Variants in SLC6A9 observed in about 807,000 individuals in gnomAD.
The protein encoded by SLC6A9 is sodium- and chloride-dependent glycine transporter 1.
A neutral mutation model predicts 70.9 loss-of-function variants in SLC6A9; 31 were observed. That is an observed-to-expected ratio of 0.44 (90% CI 0.33 to 0.59). The LOEUF is 0.59. Ranked by LOEUF, SLC6A9 falls within the 20% of genes least tolerant of loss-of-function variation. The pLI is 0.04. For missense variants in SLC6A9, 631 were observed against 845.2 expected (o/e 0.75, Z 3.14); for synonymous variants, 310 against 341.3 (o/e 0.91, Z 1.01).
At chr1:44,020,359 T>C (rs948107606) in intron 2 of SLC6A9, among the ~76,000 whole-genome samples, 2 of 152,074 alleles carry the variant, frequency 1.3e-5, no homozygotes, top group Non-Finnish European at 2.9e-5. Context: ...GGAGCCCCTG[T>C]GGTGTGCTAG....
At chr1:44,017,169 A>G (rs1157687960) in intron 2 of SLC6A9, 2 of 1,600,486 alleles carry the variant, frequency 1.2e-6, no homozygotes, top group East Asian at 2.3e-5. Context: ...ACACTGACGC[A>G]TCCCCTGCCT....
intron 5 of SLC6A9, among the ~76,000 whole-genome samples, chr1:44,004,287 C>T (rs537538026): frequency 5.9e-5 from 9 of 152,046 alleles, no homozygotes; most frequent in South Asian, 2.1e-4. Context: ...TGAGCCACCA[C>T]GCCTGGCCTG....
chr1:44,010,935 T>A, intron 2 of SLC6A9, 53 bp from the exon 3 acceptor site: 1 of 1,593,624 alleles, frequency 6.3e-7, no homozygotes, highest in Non-Finnish European at 8.6e-7. Context: ...GCTCCATGCC[T>A]GACCCTCTGG....
At chr1:44,011,711 G>C in intron 2 of SLC6A9, 1 of 1,613,968 alleles carries the variant, frequency 6.2e-7, no homozygotes, top group Non-Finnish European at 8.5e-7. Context: ...TCTGAACAGG[G>C]AGAAGCGTCA....
intron 1 of SLC6A9, among the ~76,000 whole-genome samples, chr1:44,029,092 G>C (rs574545631): frequency 1.3e-5 from 2 of 152,210 alleles, no homozygotes; most frequent in Non-Finnish European, 2.9e-5. Context: ...GGACAAGCTG[G>C]TCTGAGCTGC....
chr1:44,006,786 G>A (rs1223884094), intron 5 of SLC6A9, among the ~76,000 whole-genome samples: 1 of 152,172 alleles, frequency 6.6e-6, no homozygotes, highest in Non-Finnish European at 1.5e-5. Flanking sequence ...CTGGGTCCTT[G>A]AGAATAGTGG....
chr1:43,997,624 T>A lies in SLC6A9; in HGVS notation c.1823A>T (p.Gln608Leu). The A allele has an allele frequency of 6.2e-7, 1 of 1,613,984 alleles. No homozygotes were observed. The highest frequency in any genetic ancestry group is 8.5e-7 in the Non-Finnish European group (1 of 1,180,010). The change falls in exon 14 of 14, where the codon CAG becomes CTG. Residue 608 changes from glutamine to leucine, a missense_variant. By Grantham distance (113) the Gln-to-Leu change is moderately radical (BLOSUM62 -2). Transcript: ENST00000372310. This position sits in a 1 kb window ranked among gnomAD's most constrained non-coding sequence, Gnocchi z 4.4. Reference protein sequence around the residue: ...APSPEDGFEVQPLHPDKAQIP... With the variant: ...APSPEDGFEVLPLHPDKAQIP... ...CTGCGCCTTGTCCGGGTGCAGTGGC[T>A]GGACCTCGAAGCCGTCCTCAGGAGA... is the stretch of plus-strand genomic sequence containing the variant.
rs201783916 is a variant in SLC6A9 at position 44,000,861 on chromosome 1, C to T, written c.1442G>A (p.Arg481Gln). ...CATCTGGATGTCCTGGAAGTAGTTC[C>T]GGTGCCCTGGAGAGATGGGGGGTCA... is the stretch of plus-strand genomic sequence containing the variant. ...CVAIMYIYGH[R>Q]NYFQDIQMML... The change falls in exon 12 of 14, where the codon CGG becomes CAG. Residue 481 changes from arginine (R) to glutamine (Q), a missense_variant. Arg to Gln is a conservative substitution (Grantham distance 43). Coordinates refer to ENST00000372310, the MANE Select transcript of SLC6A9 (RefSeq NM_001024845.3). 2.6e-5 allele frequency: 42 copies of T among 1,607,510 alleles called. No homozygotes were observed. Among genetic ancestry groups the T allele is most frequent in the South Asian group, 2.0e-4 (18 of 89,994 alleles).
At chr1:44,006,607 A>AAAAG (rs1416267480) in intron 5 of SLC6A9, among the ~76,000 whole-genome samples, 1 of 151,740 alleles carries the variant, frequency 6.6e-6, no homozygotes, top group African/African-American at 2.4e-5. Context: ...AAAAAAAAAA[A>AAAAG]AAAGAAATCA....
At chr1:44,022,667 G>A (rs921863582) in intron 2 of SLC6A9, among the ~76,000 whole-genome samples, 7 of 151,274 alleles carry the variant, frequency 4.6e-5, no homozygotes, top group African/African-American at 9.7e-5. Context: ...CAGAACCACC[G>A]GTTCTCTCCC....
intron 5 of SLC6A9, among the ~76,000 whole-genome samples, chr1:44,007,002 CTG>C (rs897409492): frequency 6.6e-6 from 1 of 152,192 alleles, no homozygotes; most frequent in African/African-American, 2.4e-5. Context: ...ATGGGAGGCC[CTG>C]TGTTATATGA....
chr1:44,029,318 T>C (rs1485394671), intron 1 of SLC6A9, among the ~76,000 whole-genome samples: 1 of 152,160 alleles, frequency 6.6e-6, no homozygotes, highest in Non-Finnish European at 1.5e-5. Flanking sequence ...ATAATTTCCA[T>C]TCACTGTGTT....
intron 2 of SLC6A9, chr1:44,015,755 T>C (rs1212770531): frequency 3.2e-6 from 2 of 623,594 alleles, no homozygotes; most frequent in African/African-American, 2.0e-5. Context: ...TTCACCTACA[T>C]GGCACTGAGT....
chr1:44,001,073 G>T lies in SLC6A9; in HGVS notation c.1336-18C>A. ...ATGCCTGCCTGGGGAACAGCGGGCAGCTGTGGGAGGCGCCTGCAGCCCGGG... is the reference window on the plus strand; with the variant it reads ...ATGCCTGCCTGGGGAACAGCGGGCATCTGTGGGAGGCGCCTGCAGCCCGGG... On this transcript the variant is annotated intron_variant, in intron 10 of 13. Coordinates refer to ENST00000372310, the MANE Select transcript of SLC6A9 (RefSeq NM_001024845.3). 6.3e-7 allele frequency: 1 copy of T among 1,599,312 alleles called. No individual in the cohort carries two copies. Among genetic ancestry groups the T allele is most frequent in the Admixed American group, 1.7e-5 (1 of 59,076 alleles).
At chr1:44,017,408 CAG>C (rs1491096587) in intron 2 of SLC6A9, 1 of 958,290 alleles carries the variant, frequency 1.0e-6, no homozygotes, top group Non-Finnish European at 1.3e-6. Flanking sequence ...CACACACACA[CAG>C]ACTGGGGCAG....
Position 44,027,343 on chromosome 1 carries a change from G to A in SLC6A9, c.-85-2981C>T, listed in dbSNP as rs569560314. On this transcript the variant is annotated intron_variant, in intron 1 of 13. Coordinates refer to ENST00000372310, the MANE Select transcript of SLC6A9 (RefSeq NM_001024845.3). ...CCTTAGTTTTCTCAGTCTGGAAGAT[G>A]GGGCTAACAGTAGTTTCCTCGTAAG... is the stretch of plus-strand genomic sequence containing the variant. Among the ~76,000 whole-genome samples the A allele has an allele frequency of 2.6e-5, 4 of 152,300 alleles. No individual in the cohort carries two copies. The East Asian group carries it at 7.7e-4, about 29-fold the overall frequency.
In SLC6A9 at chr1:44,001,541, T is replaced by C. The variant is rs1337081991; in HGVS notation, c.1049A>G (p.Asn350Ser). Residue 350 changes from asparagine to serine, a missense_variant, in exon 9 of 14, where the codon AAT becomes AGT. Asn to Ser is a conservative substitution (Grantham distance 46). Transcript: ENST00000372310. ...VIFSILGFMA[N>S]HLGVDVSRVA... is the part of the protein sequence containing the mutation. Reference sequence around the variant, plus strand: ...ACGGGACACATCCACGCCCAGGTGATTGGCCATGAAGCCGAGGATGGAGAA... The same window carrying C: ...ACGGGACACATCCACGCCCAGGTGACTGGCCATGAAGCCGAGGATGGAGAA... 1.2e-6 allele frequency: 2 copies of C among 1,614,244 alleles called. No homozygotes were observed. The highest frequency in any genetic ancestry group is 2.2e-5 in the East Asian group (1 of 44,890).
rs1183774899 is a variant in SLC6A9 at position 44,007,074 on chromosome 1, C to T, written c.590+1279G>A. Among the ~76,000 whole-genome samples, 4 of 152,344 alleles carry T rather than the reference C, an allele frequency of 2.6e-5. No homozygotes were observed. In the East Asian group the frequency reaches 7.7e-4, roughly 29 times the overall value. On this transcript the variant is annotated intron_variant, in intron 5 of 13. Coordinates refer to ENST00000372310, the MANE Select transcript of SLC6A9 (RefSeq NM_001024845.3). ...TCCCACCTGCTCCCAACCCCAGCTC[C>T]AGTTTGCCTCCTTCTGGCCTCTGCT...
At position 44,002,666 on chromosome 1, in the gene SLC6A9, T is replaced by A. The variant is rs772356900; in HGVS notation, c.724-20A>T. Reference sequence around the variant, plus strand: ...CACCACCTGGCACAAGAGGGCTCCATGGACTCTTCTGGGCTCTCCCCTCCC... The same window carrying A: ...CACCACCTGGCACAAGAGGGCTCCAAGGACTCTTCTGGGCTCTCCCCTCCC... On this transcript the variant is annotated intron_variant, in intron 6 of 13. Coordinates refer to ENST00000372310, the MANE Select transcript of SLC6A9 (RefSeq NM_001024845.3). This position sits in a 1 kb window ranked among gnomAD's most constrained non-coding sequence, Gnocchi z 5.5. 1 of 1,613,522 alleles carries A rather than the reference T, an allele frequency of 6.2e-7. No individual in the cohort carries two copies. The highest frequency in any genetic ancestry group is 8.5e-7 in the Non-Finnish European group (1 of 1,179,486).
Sources: allele counts gnomAD v4.1 joint callset (sites outside exome capture counted in the v4.1 genomes callset), GRCh38; gene constraint gnomAD v4.1.1; non-coding constraint Gnocchi (gnomAD v3.1); transcripts MANE v1.5; gene names NCBI Gene and HGNC (gene_info 2026-07-23, HGNC 2026-07-21).